DLGAP2: variants seen among roughly 807,000 people sequenced by gnomAD.
DLGAP2 encodes DLG associated protein 2, also known as disks large-associated protein 2.
In DLGAP2, 26 loss-of-function variants were observed where a neutral mutation model predicts 100.3. The observed-to-expected ratio is 0.26, with a 90% CI of 0.19 to 0.36. The LOEUF (loss-of-function observed/expected upper bound fraction) is 0.36. Among genes scored for constraint, DLGAP2 ranks in the 10% least tolerant of loss-of-function variants. The probability of loss-of-function intolerance (pLI) is 1.00; values close to 1 mark genes in which losing one functional copy is unlikely to be tolerated. For synonymous variants in DLGAP2, 886 were observed against 630.1 expected (o/e 1.41, Z -6.08); for missense variants, 1,858 against 1,453.2 (o/e 1.28, Z -4.53).
chr8:1,043,191 T>C (rs1802413993), intron 2 of DLGAP2, among the ~76,000 whole-genome samples: 3 of 96,736 alleles, frequency 3.1e-5, no homozygotes, highest in African/African-American at 1.1e-4. Context: ...GTGGTGGGTG[T>C]TGGTGGTGGA....
chr8:1,094,650 C>T (rs186769825), intron 2 of DLGAP2, among the ~76,000 whole-genome samples: 9 of 152,280 alleles, frequency 5.9e-5, no homozygotes, highest in East Asian at 5.8e-4. Context: ...GGGATTTACC[C>T]GAAGCCCTCA....
chr8:1,657,382 C>A (rs1398475916), intron 8 of DLGAP2, among the ~76,000 whole-genome samples: 1 of 152,208 alleles, frequency 6.6e-6, no homozygotes, highest in Non-Finnish European at 1.5e-5. Context: ...GTGATAAACG[C>A]ATGCTAGGCG....
intron 2 of DLGAP2, among the ~76,000 whole-genome samples, chr8:967,598 A>G (rs1300025197): frequency 1.3e-5 from 2 of 151,114 alleles, no homozygotes; most frequent in Admixed American, 1.3e-4. Context: ...TGGCTATTTC[A>G]ACATTTCAAT....
intron 2 of DLGAP2, among the ~76,000 whole-genome samples, chr8:1,030,141 T>G (rs1038654323): frequency 3.3e-5 from 5 of 152,238 alleles, no homozygotes; most frequent in Non-Finnish European, 5.9e-5. Context: ...AAGGCCCTAG[T>G]TCCTCCTCCT....
chr8:1,407,226 C>A (rs1422828628), intron 3 of DLGAP2, among the ~76,000 whole-genome samples: 1 of 34,936 alleles, frequency 2.9e-5, no homozygotes, highest in Non-Finnish European at 4.8e-5. Context: ...GCTTACTGAG[C>A]GCCACCTCCT....
At chr8:1,085,041 T>C (rs1308337636) in intron 2 of DLGAP2, among the ~76,000 whole-genome samples, 3 of 152,238 alleles carry the variant, frequency 2.0e-5, no homozygotes, top group African/African-American at 7.2e-5. Flanking sequence ...CTTTTGTCTT[T>C]TGGATAATAG....
At chr8:1,267,784 G>A (rs1433835357) in intron 3 of DLGAP2, among the ~76,000 whole-genome samples, 4 of 151,842 alleles carry the variant, frequency 2.6e-5, no homozygotes, top group African/African-American at 7.3e-5. Context: ...ATGTCTGTTG[G>A]GGCAGAATGT....
chr8:1,322,091 A>G (rs1800914534), intron 3 of DLGAP2, among the ~76,000 whole-genome samples: 2 of 152,200 alleles, frequency 1.3e-5, no homozygotes, highest in African/African-American at 4.8e-5. Context: ...ATAACAGTGA[A>G]CTAATGATTT....
intron 2 of DLGAP2, among the ~76,000 whole-genome samples, chr8:941,465 C>G (rs777643593): frequency 6.6e-6 from 1 of 152,140 alleles, no homozygotes. Flanking sequence ...CCGTCAGACT[C>G]TAGATGCCAC....
chr8:1,286,959 A>G (rs1046854673), intron 3 of DLGAP2, among the ~76,000 whole-genome samples: 69 of 152,272 alleles, frequency 4.5e-4, no homozygotes, highest in Admixed American at 4.2e-3. Flanking sequence ...TATTTTAGGC[A>G]GTTATAAACC....
At chr8:1,355,586 A>T (rs1401511974) in intron 3 of DLGAP2, among the ~76,000 whole-genome samples, 5 of 151,998 alleles carry the variant, frequency 3.3e-5, no homozygotes, top group Admixed American at 2.6e-4. Flanking sequence ...GCTGGTCTTG[A>T]ACTCCTGACC....
rs75922634 is a variant in DLGAP2, at chr8:1,064,348, A to G, written c.73+156382A>G. On this transcript the variant is annotated intron_variant, in intron 2 of 14. Coordinates refer to ENST00000637795, the MANE Select transcript of DLGAP2 (RefSeq NM_001346810.2). ...AATATAGCTGCAAGAGGTACACACA[A>G]TTCCTCAAATATGTCAGGCAACCTG... 5.3e-3 allele frequency among the ~76,000 whole-genome samples: 811 copies of G among 152,334 alleles called. 10 individuals carry two copies. Among genetic ancestry groups the G allele is most frequent in the African/African-American group, 0.018 (769 of 41,578 alleles).
chr8:1,064,481 A>G (rs1348781980), intron 2 of DLGAP2, among the ~76,000 whole-genome samples: 3 of 152,240 alleles, frequency 2.0e-5, no homozygotes, highest in Admixed American at 6.5e-5. Context: ...ATGCATTAAT[A>G]ACTTCAAACC....
intron 2 of DLGAP2, among the ~76,000 whole-genome samples, chr8:979,083 A>G (rs1383312509): frequency 6.6e-6 from 1 of 152,070 alleles, no homozygotes; most frequent in African/African-American, 2.4e-5. Flanking sequence ...AGCCCTTGTC[A>G]TTAAGAATTC....
rs773510295 is a variant in DLGAP2 at position 841,684 on chromosome 8, C to T, written c.19-66228C>T. Among the ~76,000 whole-genome samples the T allele has an allele frequency of 1.8e-4, 28 of 152,174 alleles. No individual in the cohort carries two copies. The Middle Eastern group carries it at 0.014, about 74-fold the overall frequency. ...GCAGCCTTGAACTCCTGGGCTCAAGCGATTCTCCTGCCTCAGCCTCTGAGT... is the reference window on the plus strand; with the variant it reads ...GCAGCCTTGAACTCCTGGGCTCAAGTGATTCTCCTGCCTCAGCCTCTGAGT... On this transcript the variant is annotated intron_variant, in intron 1 of 14. Coordinates refer to ENST00000637795, the MANE Select transcript of DLGAP2 (RefSeq NM_001346810.2).
intron 3 of DLGAP2, among the ~76,000 whole-genome samples, chr8:1,451,380 C>T (rs1434144014): frequency 6.6e-6 from 1 of 152,112 alleles, no homozygotes; most frequent in Admixed American, 6.5e-5. Context: ...TGAGTGAGTC[C>T]TCCAGCCACC....
At chr8:1,697,333 A>G in intron 14 of DLGAP2, 34 bp downstream of exon 14, 1 of 1,558,552 alleles carries the variant, frequency 6.4e-7, no homozygotes. Context: ...GCTCCCAGCA[A>G]ACCCCCTTTC....
chr8:1,230,766 C>A (rs560915459), intron 2 of DLGAP2, among the ~76,000 whole-genome samples: 1 of 152,286 alleles, frequency 6.6e-6, no homozygotes, highest in African/African-American at 2.4e-5. Context: ...GAAAGGGCTT[C>A]TTATTCAATA....
chr8:1,023,275 A>T (rs1801680266), intron 2 of DLGAP2, among the ~76,000 whole-genome samples: 1 of 152,204 alleles, frequency 6.6e-6, no homozygotes, highest in African/African-American at 2.4e-5. Flanking sequence ...GCTATCACGT[A>T]GGTCTGTTCG....
Sources: allele counts gnomAD v4.1 joint callset (sites outside exome capture counted in the v4.1 genomes callset), GRCh38; gene constraint gnomAD v4.1.1; transcripts MANE v1.5; gene names NCBI Gene and HGNC (gene_info 2026-07-23, HGNC 2026-07-21).